The following RCOR2 variants were observed in gnomAD, a reference collection of about 807,000 sequenced individuals.
The protein encoded by RCOR2 is REST corepressor 2.
Under a neutral mutation model 58.9 loss-of-function variants are expected in RCOR2, and 19 were observed. That is an observed-to-expected ratio of 0.32 (90% CI 0.23 to 0.47). RCOR2 has a LOEUF of 0.47. Ranked by LOEUF, RCOR2 falls within the 20% of genes least tolerant of loss-of-function variation. The pLI, the probability that RCOR2 is intolerant of heterozygous loss-of-function variation, is 1.00. For missense variants in RCOR2, 590 were observed against 707.9 expected, an observed-to-expected ratio of 0.83 and a Z score of 1.89; for synonymous variants, 286 against 278.7, an observed-to-expected ratio of 1.03 and a Z score of -0.26.
chr11:63,917,092 G>A lies in RCOR2; in HGVS notation c.-636C>T, dbSNP rs1941870294. Among the ~76,000 whole-genome samples the A allele has an allele frequency of 6.6e-6, 1 of 151,146 alleles. No homozygotes were observed. Among genetic ancestry groups the A allele is most frequent in the Admixed American group, 6.6e-5 (1 of 15,182 alleles). On this transcript the variant is annotated 5_prime_UTR_variant, in exon 1 of 12. Transcript: ENST00000301459. ...GCCTCGCACCCTCCCCGGCGCGCTC[G>A]CTCTCCCCGCCGCGCTCGGGATGCC...
At position 63,912,084 on chromosome 11, in the gene RCOR2, C is replaced by T. The variant is rs369913031; in HGVS notation, c.1353G>A (p.Pro451=). The T allele has an allele frequency of 6.3e-6, 6 of 954,502 alleles. No homozygotes were observed. Among genetic ancestry groups the T allele is most frequent in the African/African-American group, 3.8e-5 (1 of 26,058 alleles). 59.1% of individuals were successfully genotyped at this position (954,502 alleles called of 1,614,324 possible). ...PPPTSLSQPP[P]LLRPPLPTAP... is the part of the protein sequence containing the mutation. ...CCGTGGGCAAAGGTGGCCTCAGCAG[C>T]GGGGGTGGCTGGGACAGCGAGGTGG... Residue 451 remains proline (P), a synonymous_variant, in exon 12 of 12, where the codon CCG becomes CCA. Transcript: ENST00000301459.
At chr11:63,912,834 C>T (rs1209893310) in intron 9 of RCOR2, 36 bp downstream of exon 9, 6 of 1,607,422 alleles carry the variant, frequency 3.7e-6, no homozygotes, top group African/African-American at 1.3e-5. Context: ...CAGAGAGAAA[C>T]CCCCCTTTGC....
intron 1 of RCOR2, among the ~76,000 whole-genome samples, chr11:63,916,060 C>A (rs1036076200): frequency 1.3e-5 from 2 of 152,204 alleles, no homozygotes; most frequent in African/African-American, 4.8e-5. Context: ...ATGAGGGACC[C>A]ACTCTATGCA....
chr11:63,911,655 C>A lies in RCOR2; in HGVS notation c.*210G>T, dbSNP rs1030564386. On this transcript the variant is annotated 3_prime_UTR_variant, in exon 12 of 12. Coordinates refer to ENST00000301459, the MANE Select transcript of RCOR2 (RefSeq NM_173587.4). Reference sequence around the variant, plus strand: ...AAGTGCCCTCAGGCCAGCTCAAAGGCCCCTGAGCCCGGCCATGGCCCCAGG... The same window carrying A: ...AAGTGCCCTCAGGCCAGCTCAAAGGACCCTGAGCCCGGCCATGGCCCCAGG... 110 of 727,202 alleles carry A rather than the reference C, an allele frequency of 1.5e-4. No homozygotes were observed. The African/African-American group carries it at 1.9e-3, about 13-fold the overall frequency. The allele number at this position is 727,202 out of a possible 1,614,324, so 45.0% of individuals were successfully genotyped here.
In RCOR2 at chr11:63,915,900, C is replaced by T. The variant is rs555878576; in HGVS notation, c.128-289G>A. Among the ~76,000 whole-genome samples, 20 of 152,244 alleles carry T rather than the reference C, an allele frequency of 1.3e-4. No homozygotes were observed. The East Asian group carries it at 2.7e-3, about 21-fold the overall frequency. ...GGTGCTTTGTTCCGGGGGAGGGGAG[C>T]GGGGTTGGAGGGCAGCCCCTAGACC... On this transcript the variant is annotated intron_variant, in intron 1 of 11. Transcript: ENST00000301459.
the RCOR2 span, among the ~76,000 whole-genome samples, chr11:63,924,912 G>A: frequency 7.4e-5 from 11 of 147,736 alleles, no homozygotes; most frequent in East Asian, 2.0e-4. Flanking sequence ...GTGCAATGGC[G>A]CGATCTTGGC....
rs200277380 is a variant in RCOR2, at chr11:63,914,048, C to T, written c.797G>A (p.Ser266Asn). 1.2e-5 allele frequency: 20 copies of T among 1,613,732 alleles called. No homozygotes were observed. Among genetic ancestry groups the T allele is most frequent in the Non-Finnish European group, 1.5e-5 (18 of 1,179,982 alleles). ...RRRPPKGMYL[S>N]PEGLTAVSGS... The stretch of plus-strand genomic sequence containing the variant: ...TGACACTGCCGTGAGGCCTTCAGGG[C>T]TCAGGTACATGCCCTTGGGTGGGCG... The change falls in exon 8 of 12, where the codon AGC (serine) becomes AAC (asparagine). Residue 266 changes from serine (S) to asparagine (N), a missense_variant. Coordinates refer to ENST00000301459, the MANE Select transcript of RCOR2 (RefSeq NM_173587.4).
chr11:63,916,528 G>C lies in RCOR2; in HGVS notation c.-72C>G. The C allele has an allele frequency of 2.6e-6, 4 of 1,525,348 alleles. No individual in the cohort carries two copies. In the South Asian group the frequency reaches 4.9e-5, roughly 19 times the overall value. 94.5% of individuals were successfully genotyped at this position (1,525,348 alleles called of 1,614,324 possible). A position where few individuals can be genotyped will look rare whatever the true frequency, so the allele number is the denominator to read the frequency against. On this transcript the variant is annotated 5_prime_UTR_variant, in exon 1 of 12. Coordinates refer to ENST00000301459, the MANE Select transcript of RCOR2 (RefSeq NM_173587.4). Reference sequence around the variant, plus strand: ...ACAGTGGTTGCCGCACTCGCTCCGAGTGCCGAGCCCGGCCCGGCCTGGAGA... The same window carrying C: ...ACAGTGGTTGCCGCACTCGCTCCGACTGCCGAGCCCGGCCCGGCCTGGAGA...
the RCOR2 span, among the ~76,000 whole-genome samples, chr11:63,925,068 G>T: frequency 2.0e-5 from 3 of 151,766 alleles, no homozygotes; most frequent in Non-Finnish European, 4.4e-5. Flanking sequence ...GGCCAGGCTG[G>T]TCCCAAACTC....
chr11:63,915,100 C>CAGCCCCCTTCTGAGAAG, intron 3 of RCOR2, 78 bp downstream of exon 3: 1 of 1,508,246 alleles, frequency 6.6e-7, no homozygotes, highest in Non-Finnish European at 9.1e-7. Context: ...CCTCAGCTTC[C>CAGCCCCCTTCTGAGAAG]AGCCCCCTTC....
chr11:63,914,921 T>C lies in RCOR2; in HGVS notation c.299A>G (p.His100Arg). 1 of 1,613,938 alleles carries C rather than the reference T, an allele frequency of 6.2e-7. No individual in the cohort carries two copies. The highest frequency in any genetic ancestry group is 8.5e-7 in the Non-Finnish European group (1 of 1,180,008). Residue 100 changes from histidine to arginine, a missense_variant, in exon 4 of 12, where the codon CAT becomes CGT. Physicochemically the swap from His to Arg is conservative, Grantham distance 29. Around this residue, in one of 3 missense-constraint regions of RCOR2, gnomAD observed 390 missense variants for 478.7 expected, o/e 0.81. Coordinates refer to ENST00000301459, the MANE Select transcript of RCOR2 (RefSeq NM_173587.4). ...DKYIAMAKEK[H>R]GYNIEQALGM... ...GCTCACCTGCTCAATGTTGTAGCCA[T>C]GCTTCTCCTTGGCCATCGCAATGTA...
At chr11:63,912,277 T>C in intron 11 of RCOR2, 28 bp downstream of exon 11, 1 of 1,597,148 alleles carries the variant, frequency 6.3e-7, no homozygotes, top group Non-Finnish European at 8.6e-7. Flanking sequence ...CTCTCCTCTC[T>C]GAGGGGTTTC....
chr11:63,913,639 C>T (rs1329377440), intron 8 of RCOR2, among the ~76,000 whole-genome samples: 1 of 151,120 alleles, frequency 6.6e-6, no homozygotes, highest in African/African-American at 2.4e-5. Context: ...TGTGCCACCA[C>T]GCCCAGCTAA....
Position 63,911,743 on chromosome 11 carries a change from C to G in RCOR2, c.*122G>C. 2.2e-6 allele frequency: 3 copies of G among 1,377,110 alleles called. No individual in the cohort carries two copies. The highest frequency in any genetic ancestry group is 2.8e-6 in the Non-Finnish European group (3 of 1,072,016). The allele number at this position is 1,377,110 out of a possible 1,614,324, so 85.3% of individuals were successfully genotyped here. On this transcript the variant is annotated 3_prime_UTR_variant, in exon 12 of 12. Coordinates refer to ENST00000301459, the MANE Select transcript of RCOR2 (RefSeq NM_173587.4). ...AAGGGCGGGGCTGGGCTGTCCGAAA[C>G]TCTGGTCTTACAAAGACCCCGCCAG...
the RCOR2 span, among the ~76,000 whole-genome samples, chr11:63,926,133 A>T: frequency 6.6e-6 from 1 of 151,566 alleles, no homozygotes; most frequent in Non-Finnish European, 1.5e-5. Flanking sequence ...CTGATCTCGA[A>T]CTCCTGACCT....
intron 7 of RCOR2, 34 bp from the exon 8 acceptor site, chr11:63,914,203 A>G (rs1024712836): frequency 1.2e-6 from 2 of 1,613,002 alleles, no homozygotes; most frequent in Non-Finnish European, 1.7e-6. Context: ...TAGGTGGTGC[A>G]GAGCCAGAGA....
the RCOR2 span, among the ~76,000 whole-genome samples, chr11:63,926,779 G>GTTTT: frequency 1.0e-3 from 123 of 119,250 alleles, 1 homozygote; most frequent in East Asian, 5.5e-3. Flanking sequence ...TGCCTGGCCT[G>GTTTT]TTTTTTTTTT....
rs1941774645 is a variant in RCOR2, at chr11:63,912,183, A to C, written c.1258-4T>G. ...TGGAGACCGATGTAATCTGGACCTGAGGGGAGAGGAAAGAGTGAGAAGCCA... is the reference window on the plus strand; with the variant it reads ...TGGAGACCGATGTAATCTGGACCTGCGGGGAGAGGAAAGAGTGAGAAGCCA... On this transcript the variant is annotated splice_region_variant and splice_polypyrimidine_tract_variant and intron_variant, in intron 11 of 11. Transcript: ENST00000301459. The C allele has an allele frequency of 1.9e-6, 3 of 1,568,610 alleles. No homozygotes were observed. The highest frequency in any genetic ancestry group is 1.7e-6 in the Non-Finnish European group (2 of 1,158,462).
the RCOR2 span, among the ~76,000 whole-genome samples, chr11:63,923,524 C>G: frequency 6.6e-6 from 1 of 152,190 alleles, no homozygotes; most frequent in Non-Finnish European, 1.5e-5. Flanking sequence ...TTTGTTATCT[C>G]TAAACCCAAA....
Sources: gnomAD v4.1 joint callset for allele counts (sites outside exome capture counted in the v4.1 genomes callset) on GRCh38, gnomAD v4.1.1 for gene constraint, gnomAD v4.1.1 regional missense constraint, MANE v1.5 for transcripts, NCBI Gene and HGNC (gene_info 2026-07-23, HGNC 2026-07-21) for gene names.